Variants in SYNPR observed in about 807,000 individuals in gnomAD.
SYNPR encodes synaptoporin.
Under a neutral mutation model 32.9 loss-of-function variants are expected in SYNPR, and 23 were observed. The ratio of observed to expected loss-of-function variants is 0.70; its 90% CI spans 0.50 to 0.99. The LOEUF is 0.99. SYNPR is among the 50% of genes least tolerant of loss of function. The pLI, the probability that SYNPR is intolerant of heterozygous loss-of-function variation, is 0.00. For missense variants in SYNPR, 318 were observed against 349.3 expected (o/e 0.91, Z 0.71); for synonymous variants, 146 against 135.9 (o/e 1.07, Z -0.52).
At chr3:63,339,822 A>T (rs369391662) in intron 2 of SYNPR, among the ~76,000 whole-genome samples, 1 of 151,932 alleles carries the variant, frequency 6.6e-6, no homozygotes, top group African/African-American at 2.4e-5. Flanking sequence ...ATGTCCAGCT[A>T]ATTTTTGTAT....
chr3:63,323,926 C>A (rs894079402), intron 2 of SYNPR, among the ~76,000 whole-genome samples: 1 of 152,050 alleles, frequency 6.6e-6, no homozygotes, highest in African/African-American at 2.4e-5. Flanking sequence ...TGAAGCCCAG[C>A]ATGATGAATA....
chr3:63,273,075 T>C (rs1264300785), intron 3 of SYNPR, among the ~76,000 whole-genome samples: 1 of 152,128 alleles, frequency 6.6e-6, no homozygotes, highest in Non-Finnish European at 1.5e-5. Context: ...GGGGAAGAGA[T>C]TTTTTTCTAA....
intron 3 of SYNPR, among the ~76,000 whole-genome samples, chr3:63,503,899 T>C (rs1172089728): frequency 6.6e-6 from 1 of 152,068 alleles, no homozygotes; most frequent in African/African-American, 2.4e-5. Flanking sequence ...TTAATTAATT[T>C]ATATGAATAG....
At chr3:63,392,948 T>C (rs1447994340) in intron 2 of SYNPR, among the ~76,000 whole-genome samples, 1 of 152,110 alleles carries the variant, frequency 6.6e-6, no homozygotes, top group African/African-American at 2.4e-5. Flanking sequence ...TAGTAGTGTA[T>C]TATGATTCTT....
In SYNPR at chr3:63,596,637, G is replaced by C. The variant is rs77427092; in HGVS notation, c.409-12488G>C. 5.2e-4 allele frequency among the ~76,000 whole-genome samples: 79 copies of C among 152,220 alleles called. 3 individuals carry two copies. The East Asian group carries it at 0.015, about 29-fold the overall frequency. ...GACCAGACCACTGAGGCAATGAATT[G>C]GGTGATCATATAAACCCAACTATGG... On this transcript the variant is annotated intron_variant, in intron 4 of 5. Coordinates refer to ENST00000478300, the MANE Select transcript of SYNPR (RefSeq NM_001130003.2).
chr3:63,255,688 G>T (rs2106894072), intron 2 of SYNPR, among the ~76,000 whole-genome samples: 1 of 152,286 alleles, frequency 6.6e-6, no homozygotes, highest in East Asian at 1.9e-4. Flanking sequence ...GAAGATGGGT[G>T]ATTTCTGCAT....
At chr3:63,581,486 C>T (rs1320763499) in intron 4 of SYNPR, among the ~76,000 whole-genome samples, 2 of 98,862 alleles carry the variant, frequency 2.0e-5, no homozygotes, top group African/African-American at 6.5e-5. Context: ...AACAAACAAA[C>T]ACACGCACAC....
In SYNPR at chr3:63,533,667, G is replaced by A. The variant is rs57522301; in HGVS notation, c.210-22876G>A. Among the ~76,000 whole-genome samples the A allele has an allele frequency of 5.1e-3, 781 of 152,190 alleles. 11 individuals carry two copies. The highest frequency in any genetic ancestry group is 0.018 in the African/African-American group (748 of 41,520). On this transcript the variant is annotated intron_variant, in intron 3 of 5. Transcript: ENST00000478300. ...AAGCGGCTCAAGGCACATGTACAGT[G>A]GAAACTAACAAATTGCTTCAATTTG...
chr3:63,589,350 G>C (rs1703265040), intron 4 of SYNPR, among the ~76,000 whole-genome samples: 1 of 152,054 alleles, frequency 6.6e-6, no homozygotes. Flanking sequence ...TTTTGTGATT[G>C]ATTAACAGCT....
Position 63,295,783 on chromosome 3 carries a change from A to T in SYNPR, c.84+17041A>T, listed in dbSNP as rs1401176917. 2.6e-5 allele frequency among the ~76,000 whole-genome samples: 4 copies of T among 152,262 alleles called. No individual in the cohort carries two copies. In the East Asian group the frequency reaches 5.8e-4, roughly 22 times the overall value. On this transcript the variant is annotated intron_variant, in intron 2 of 5. Transcript: ENST00000478300. Reference sequence around the variant, plus strand: ...ACAGTTGCCTAGGCAAATGATGGGAAATACTTAGAGCCATGAGATTAGATG... The same window carrying T: ...ACAGTTGCCTAGGCAAATGATGGGATATACTTAGAGCCATGAGATTAGATG...
At chr3:63,298,825 T>C (rs545913815) in intron 2 of SYNPR, among the ~76,000 whole-genome samples, 2 of 152,186 alleles carry the variant, frequency 1.3e-5, no homozygotes. Flanking sequence ...CAACTGGCTC[T>C]TAATCCCATT....
intron 2 of SYNPR, among the ~76,000 whole-genome samples, chr3:63,342,971 A>G (rs2107004792): frequency 6.6e-6 from 1 of 152,318 alleles, no homozygotes; most frequent in Admixed American, 6.5e-5. Flanking sequence ...TTGATAAAAT[A>G]AAAATGGGGA....
rs112788951 is a variant in SYNPR at position 63,392,704 on chromosome 3, T to C, written c.85-88128T>C. Among the ~76,000 whole-genome samples the C allele has an allele frequency of 1.7e-3, 256 of 152,272 alleles. 5 individuals are homozygous for C. Among genetic ancestry groups the C allele is most frequent in the Middle Eastern group, 0.01 (3 of 294 alleles). ...AAACTGTCATTTTTTTTCCAGAAGG[T>C]GGTAATGAGCTAGGCCTCCATTTCT... On this transcript the variant is annotated intron_variant, in intron 2 of 5. Coordinates refer to ENST00000478300, the MANE Select transcript of SYNPR (RefSeq NM_001130003.2).
At chr3:63,493,109 G>A (rs542531994) in intron 3 of SYNPR, among the ~76,000 whole-genome samples, 7 of 152,180 alleles carry the variant, frequency 4.6e-5, no homozygotes, top group African/African-American at 1.2e-4. Context: ...GCAGGTGGCT[G>A]GAAGTCCCAC....
intron 4 of SYNPR, among the ~76,000 whole-genome samples, chr3:63,568,817 G>A (rs764471509): frequency 2.6e-4 from 40 of 152,104 alleles, no homozygotes; most frequent in Non-Finnish European, 5.9e-4. Context: ...TAGACTTTCC[G>A]GTTGTCAGTG....
At chr3:63,442,971 T>C in intron 2 of SYNPR, 1 of 973,944 alleles carries the variant, frequency 1.0e-6, no homozygotes, top group Non-Finnish European at 1.2e-6. Flanking sequence ...ATTCTGGCTT[T>C]AAAAAAATCT....
At chr3:63,382,970 C>T (rs1040794753) in intron 2 of SYNPR, among the ~76,000 whole-genome samples, 1 of 152,142 alleles carries the variant, frequency 6.6e-6, no homozygotes, top group Non-Finnish European at 1.5e-5. Flanking sequence ...TTACTACAAT[C>T]TGCTCATTAG....
chr3:63,361,585 G>A lies in SYNPR; in HGVS notation c.84+82843G>A, dbSNP rs192446099. ...TGCGCTCCAGCCTGGGTGACAGAGC[G>A]AGACTCTGTCTCCAAAAAAAAAAAA... On this transcript the variant is annotated intron_variant, in intron 2 of 5. Transcript: ENST00000478300. Among the ~76,000 whole-genome samples, 894 of 137,406 alleles carry A rather than the reference G, an allele frequency of 6.5e-3. 9 individuals are homozygous for A. Among genetic ancestry groups the A allele is most frequent in the African/African-American group, 0.022 (817 of 36,320 alleles). 90.1% of individuals were successfully genotyped at this position (137,406 alleles called of 152,430 possible).
chr3:63,404,683 T>C (rs970773054), intron 2 of SYNPR, among the ~76,000 whole-genome samples: 27 of 152,154 alleles, frequency 1.8e-4, no homozygotes, highest in Admixed American at 1.5e-3. Context: ...ATTTTAATTA[T>C]ATTTATTTTC....
Sources: gnomAD v4.1 joint callset for allele counts (sites outside exome capture counted in the v4.1 genomes callset) on GRCh38, gnomAD v4.1.1 for gene constraint, MANE v1.5 for transcripts, NCBI Gene and HGNC (gene_info 2026-07-23, HGNC 2026-07-21) for gene names.